The following NTRK2 variants were observed in gnomAD, a reference collection of about 807,000 sequenced individuals.
The protein encoded by NTRK2 is neurotrophic receptor tyrosine kinase 2.
In NTRK2, 13 loss-of-function variants were observed where a neutral mutation model predicts 94.5. The observed-to-expected ratio is 0.14, with a 90% CI of 0.09 to 0.22. NTRK2 has a LOEUF of 0.22. Ranked by LOEUF, NTRK2 falls within the 10% of genes least tolerant of loss-of-function variation. The pLI is 1.00. For synonymous variants in NTRK2, 372 were observed against 407.4 expected (o/e 0.91, Z 1.05); for missense variants, 639 against 1,071.2 (o/e 0.60, Z 5.63).
rs1318077187 is a variant in NTRK2, at chr9:84,833,467, G to GA, written c.1397-27567dup. ...GAAAGAAAAAAAGGAAGGAAGGAAG[G>GA]AAAAAAGGAAGGAACAGGAAAGAAA... On this transcript the variant is annotated intron_variant, in intron 12 of 18. Transcript: ENST00000277120. Among the ~76,000 whole-genome samples, 4 of 149,152 alleles carry GA rather than the reference G, an allele frequency of 2.7e-5. No homozygotes were observed. The Admixed American group carries it at 2.7e-4, about 10-fold the overall frequency.
chr9:84,778,739 C>A (rs188262110), intron 12 of NTRK2, among the ~76,000 whole-genome samples: 49 of 152,310 alleles, frequency 3.2e-4, no homozygotes, highest in African/African-American at 1.1e-3. Flanking sequence ...GATGAGTAAG[C>A]CTCCCTCCTG....
chr9:84,831,144 G>A (rs1333709287), intron 12 of NTRK2, among the ~76,000 whole-genome samples: 1 of 152,174 alleles, frequency 6.6e-6, no homozygotes, highest in Non-Finnish European at 1.5e-5. Context: ...AAGTAACACT[G>A]TAATGGGCAT....
intron 12 of NTRK2, among the ~76,000 whole-genome samples, chr9:84,783,738 A>T (rs1474696693): frequency 6.6e-6 from 1 of 152,068 alleles, no homozygotes; most frequent in Admixed American, 6.6e-5. Context: ...AATGTGTGGC[A>T]TTCATACATT....
chr9:84,676,556 T>G (rs2059066937), intron 2 of NTRK2, among the ~76,000 whole-genome samples: 1 of 152,188 alleles, frequency 6.6e-6, no homozygotes, highest in Admixed American at 6.5e-5. Flanking sequence ...TGCTTCAGCC[T>G]CTTCTTTGCA....
At chr9:84,786,270 T>C (rs2068099004) in intron 12 of NTRK2, among the ~76,000 whole-genome samples, 1 of 152,214 alleles carries the variant, frequency 6.6e-6, no homozygotes, top group African/African-American at 2.4e-5. Flanking sequence ...TCTAAGCATG[T>C]TTCCATGCAC....
At chr9:84,709,785 A>T (rs1340847516) in intron 5 of NTRK2, among the ~76,000 whole-genome samples, 1 of 151,702 alleles carries the variant, frequency 6.6e-6, no homozygotes, top group Admixed American at 6.6e-5. Flanking sequence ...GCATTTAAAG[A>T]TTTTTTTTTC....
At chr9:84,737,250 C>T (rs757881909) in intron 9 of NTRK2, among the ~76,000 whole-genome samples, 2 of 152,182 alleles carry the variant, frequency 1.3e-5, no homozygotes, top group Non-Finnish European at 2.9e-5. Flanking sequence ...TGTCAGGCTA[C>T]CTCTCTTCCC....
At chr9:84,952,080 T>C (rs2078803356) in intron 16 of NTRK2, among the ~76,000 whole-genome samples, 1 of 152,234 alleles carries the variant, frequency 6.6e-6, no homozygotes, top group Non-Finnish European at 1.5e-5. Context: ...TTTCAAACTA[T>C]CACAGCTAAC....
chr9:84,747,331 T>G (rs1244419889), intron 11 of NTRK2, among the ~76,000 whole-genome samples: 1 of 152,178 alleles, frequency 6.6e-6, no homozygotes, highest in South Asian at 2.1e-4. Flanking sequence ...TCCTGCCGTA[T>G]GCAATCATTT....
intron 9 of NTRK2, 31 bp downstream of exon 9, chr9:84,727,990 G>A (rs1385874538): frequency 1.3e-6 from 2 of 1,596,864 alleles, no homozygotes; most frequent in Non-Finnish European, 1.7e-6. Context: ...TATGTGGGGA[G>A]AAGATAAAGT....
At chr9:85,004,278 C>A (rs1271516384) in intron 17 of NTRK2, among the ~76,000 whole-genome samples, 1 of 152,062 alleles carries the variant, frequency 6.6e-6, no homozygotes, top group African/African-American at 2.4e-5. Flanking sequence ...AATAAATCAT[C>A]TCTGCTTTTC....
chr9:84,861,865 G>A (rs938055728), intron 13 of NTRK2, among the ~76,000 whole-genome samples: 1 of 152,134 alleles, frequency 6.6e-6, no homozygotes, highest in Non-Finnish European at 1.5e-5. Context: ...GTTGGCCATA[G>A]GTAAAATGGC....
intron 6 of NTRK2, among the ~76,000 whole-genome samples, chr9:84,720,828 G>A (rs1351530130): frequency 6.6e-6 from 1 of 152,076 alleles, no homozygotes; most frequent in East Asian, 1.9e-4. Flanking sequence ...GAAGGGCCTT[G>A]GGAATAAAAA....
intron 12 of NTRK2, among the ~76,000 whole-genome samples, chr9:84,846,835 T>C (rs903157222): frequency 6.6e-6 from 1 of 152,192 alleles, no homozygotes; most frequent in Non-Finnish European, 1.5e-5. Context: ...TCCATTTATC[T>C]AGTACCCTCA....
intron 12 of NTRK2, among the ~76,000 whole-genome samples, chr9:84,755,583 T>C (rs553503761): frequency 7.4e-6 from 1 of 134,262 alleles, no homozygotes; most frequent in East Asian, 2.3e-4. Context: ...TGGCCATAGA[T>C]AAGAGATCAG....
intron 12 of NTRK2, chr9:84,812,890 C>G: frequency 9.7e-7 from 1 of 1,034,032 alleles, no homozygotes; most frequent in Non-Finnish European, 1.2e-6. Context: ...GTTGACATCT[C>G]CTAGGGAATG....
intron 14 of NTRK2, among the ~76,000 whole-genome samples, chr9:84,890,556 C>T (rs2076566444): frequency 6.6e-6 from 1 of 152,110 alleles, no homozygotes; most frequent in Non-Finnish European, 1.5e-5. Context: ...TTATAGCTGA[C>T]CATTTGAATG....
chr9:84,747,827 G>A (rs980896813), intron 11 of NTRK2, among the ~76,000 whole-genome samples: 13 of 152,080 alleles, frequency 8.5e-5, no homozygotes, highest in African/African-American at 2.9e-4. Flanking sequence ...CACCTGATTG[G>A]CATATCTCCA....
intron 16 of NTRK2, among the ~76,000 whole-genome samples, chr9:84,952,452 T>A (rs1246762238): frequency 2.0e-5 from 3 of 152,240 alleles, no homozygotes; most frequent in Non-Finnish European, 2.9e-5. Flanking sequence ...TTAATTTTGT[T>A]ATTTTTTTAC....
Sources: gnomAD v4.1 joint callset for allele counts (sites outside exome capture counted in the v4.1 genomes callset) on GRCh38, gnomAD v4.1.1 for gene constraint, MANE v1.5 for transcripts, NCBI Gene and HGNC (gene_info 2026-07-23, HGNC 2026-07-21) for gene names.